Variants in B3GALT2 observed in about 807,000 individuals in gnomAD.
The protein encoded by B3GALT2 is UDP-Gal:betaGlcNAc beta 1,3-galactosyltransferase, polypeptide 2.
A neutral mutation model predicts 33.5 loss-of-function variants in B3GALT2; 13 were observed. The ratio of observed to expected loss-of-function variants is 0.39; its 90% CI spans 0.25 to 0.62. The LOEUF is 0.62. Ranked by LOEUF, B3GALT2 falls within the 20% of genes least tolerant of loss-of-function variation. B3GALT2 has a pLI of 0.53. For missense variants in B3GALT2, 418 were observed against 509.1 expected (o/e 0.82, Z 1.72); for synonymous variants, 195 against 172.7 (o/e 1.13, Z -1.01).
At position 193,178,854 on chromosome 1, in the gene B3GALT2, TTAA is replaced by T. The variant is rs1176979083; in HGVS notation, c.*1437_*1439del. Among the ~76,000 whole-genome samples, 2 of 152,174 alleles carry T rather than the reference TTAA, an allele frequency of 1.3e-5. No individual in the cohort carries two copies. Among genetic ancestry groups the T allele is most frequent in the African/African-American group, 4.8e-5 (2 of 41,450 alleles). ...CAATTCTCTTCTGGTGATTTATCCC[TTAA>T]TAATAGAATAAGAGGTAAAAATGAT... On this transcript the variant is annotated 3_prime_UTR_variant, in exon 2 of 2. Coordinates refer to ENST00000367434, the MANE Select transcript of B3GALT2 (RefSeq NM_003783.3).
chr1:193,180,164 A>C lies in B3GALT2; in HGVS notation c.*130T>G. 1 of 823,398 alleles carries C rather than the reference A, an allele frequency of 1.2e-6. No homozygotes were observed. The highest frequency in any genetic ancestry group is 3.2e-5 in the South Asian group (1 of 31,196). The allele number at this position is 823,398 out of a possible 1,614,324, so 51.0% of individuals were successfully genotyped here. A position where few individuals can be genotyped will look rare whatever the true frequency, so the allele number is the denominator to read the frequency against. On this transcript the variant is annotated 3_prime_UTR_variant, in exon 2 of 2. Coordinates refer to ENST00000367434, the MANE Select transcript of B3GALT2 (RefSeq NM_003783.3). Reference sequence around the variant, plus strand: ...AAGAATTAACTTCTTCAGAAATTAAAAAAATACTTCTTGAATTTCTTTATG... The same window carrying C: ...AAGAATTAACTTCTTCAGAAATTAACAAAATACTTCTTGAATTTCTTTATG...
At chr1:193,184,342 A>G (rs1409500073) in intron 1 of B3GALT2, among the ~76,000 whole-genome samples, 2 of 151,968 alleles carry the variant, frequency 1.3e-5, no homozygotes, top group African/African-American at 4.8e-5. Flanking sequence ...TGATAAAATT[A>G]TTCTCCAGTT....
At position 193,180,727 on chromosome 1, in the gene B3GALT2, G is replaced by A; in HGVS notation, c.836C>T (p.Thr279Ile). 11 of 1,614,086 alleles carry A rather than the reference G, an allele frequency of 6.8e-6. No homozygotes were observed. The highest frequency in any genetic ancestry group is 9.3e-6 in the Non-Finnish European group (11 of 1,179,950). Reference sequence around the variant, plus strand: ...TGCATATCCTCGCATTAGGTAACCAGTGAAATAGTTATGTCTGGGAGGCAG... The same window carrying A: ...TGCATATCCTCGCATTAGGTAACCAATGAAATAGTTATGTCTGGGAGGCAG... ...PDLPPRHNYF[T>I]GYLMRGYAPN... is the part of the protein sequence containing the mutation. The change falls in exon 2 of 2, where the codon ACT becomes ATT. Residue 279 changes from threonine to isoleucine, a missense_variant. By Grantham distance (89) the Thr-to-Ile change is moderately conservative. Coordinates refer to ENST00000367434, the MANE Select transcript of B3GALT2 (RefSeq NM_003783.3).
Position 193,181,446 on chromosome 1 carries a change from C to T in B3GALT2, c.117G>A (p.Met39Ile), listed in dbSNP as rs1316324225. ...AGTCATGATGATTGAAAAACAAAAA[C>T]ATAGCAAAAAGAAACACTAGAGAAA... ...GVLSLVFLFA[M>I]FLFFNHHDWL... The change falls in exon 2 of 2, where the codon ATG becomes ATA. Residue 39 changes from methionine to isoleucine, a missense_variant. By Grantham distance (10) the Met-to-Ile change is conservative. This residue lies in a region of B3GALT2 where 188 missense variants were observed against 197.5 expected (regional missense o/e 0.95). Coordinates refer to ENST00000367434, the MANE Select transcript of B3GALT2 (RefSeq NM_003783.3). 6.2e-7 allele frequency: 1 copy of T among 1,614,028 alleles called. No homozygotes were observed. Among genetic ancestry groups the T allele is most frequent in the East Asian group, 2.2e-5 (1 of 44,888 alleles).
rs952145593 is a variant in B3GALT2 at position 193,186,499 on chromosome 1, CGT to C, written c.-603_-602del. 2 of 152,524 alleles carry C rather than the reference CGT, an allele frequency of 1.3e-5. No individual in the cohort carries two copies. Among genetic ancestry groups the C allele is most frequent in the Admixed American group, 1.3e-4 (2 of 15,254 alleles). The allele number at this position is 152,524 out of a possible 1,614,324, so 9.4% of individuals were successfully genotyped here. A position where few individuals can be genotyped will look rare whatever the true frequency, so the allele number is the denominator to read the frequency against. On this transcript the variant is annotated 5_prime_UTR_variant, in exon 1 of 2. Transcript: ENST00000367434. ...AGAATAGGATTTACCTCTCTTCTTT[CGT>C]TGTTGCCTGGCAGCTGCAGGAAGGA...
chr1:193,182,981 A>C (rs951649940), intron 1 of B3GALT2, among the ~76,000 whole-genome samples: 8 of 152,050 alleles, frequency 5.3e-5, no homozygotes, highest in Non-Finnish European at 1.0e-4. Flanking sequence ...TTGAAATTAC[A>C]GTGTATGCAT....
In B3GALT2 at chr1:193,178,972, G is replaced by T. The variant is rs1253934669; in HGVS notation, c.*1322C>A. The T allele has an allele frequency of 2.6e-5, 4 of 152,136 alleles. No individual in the cohort carries two copies. Among genetic ancestry groups the T allele is most frequent in the Non-Finnish European group, 5.9e-5 (4 of 67,998 alleles). 9.4% of individuals were successfully genotyped at this position (152,136 alleles called of 1,614,324 possible). A position where few individuals can be genotyped will look rare whatever the true frequency, so the allele number is the denominator to read the frequency against. On this transcript the variant is annotated 3_prime_UTR_variant, in exon 2 of 2. Transcript: ENST00000367434. ...ATAAAAACACTATTTTAGTTAGTAGGTTGGTATTTCTTGATTTTAAAATTC... is the reference window on the plus strand; with the variant it reads ...ATAAAAACACTATTTTAGTTAGTAGTTTGGTATTTCTTGATTTTAAAATTC...
intron 1 of B3GALT2, among the ~76,000 whole-genome samples, chr1:193,183,256 A>G (rs538202251): frequency 8.6e-5 from 13 of 151,716 alleles, no homozygotes; most frequent in African/African-American, 3.1e-4. Context: ...ATTTGAACAA[A>G]TATCTAAGGT....
chr1:193,180,468 A>G lies in B3GALT2; in HGVS notation c.1095T>C (p.Asn365=). The G allele has an allele frequency of 1.9e-6, 3 of 1,614,072 alleles. No homozygotes were observed. Among genetic ancestry groups the G allele is most frequent in the Non-Finnish European group, 2.5e-6 (3 of 1,179,928 alleles). The part of the protein sequence containing the change: ...PVPPPNEFVF[N]HWRVSYSSCK... The stretch of plus-strand genomic sequence containing the variant: ...AGCTCGAATAAGAGACTCGCCAGTG[A>G]TTGAACACAAACTCATTGGGAGGGG... Residue 365 remains asparagine, a synonymous_variant, in exon 2 of 2, where the codon AAT becomes AAC. Coordinates refer to ENST00000367434, the MANE Select transcript of B3GALT2 (RefSeq NM_003783.3).
chr1:193,182,519 C>T (rs1361252270), intron 1 of B3GALT2, among the ~76,000 whole-genome samples: 11 of 152,094 alleles, frequency 7.2e-5, no homozygotes, highest in Admixed American at 1.3e-4. Flanking sequence ...GTTTAAAATT[C>T]TGAATTTCAC....
chr1:193,181,140 A>G lies in B3GALT2; in HGVS notation c.423T>C (p.Asn141=). The G allele has an allele frequency of 1.9e-6, 3 of 1,614,048 alleles. No individual in the cohort carries two copies. The highest frequency in any genetic ancestry group is 3.3e-4 in the Middle Eastern group (2 of 6,062). ...TTTTCTCTTGGCATTTTTCAGGCTCATTAATAATATATTTGAAATGGTAAG... is the reference window on the plus strand; with the variant it reads ...TTTTCTCTTGGCATTTTTCAGGCTCGTTAATAATATATTTGAAATGGTAAG... ...PNSYHFKYII[N]EPEKCQEKSP... is the part of the protein sequence containing the mutation. Residue 141 remains asparagine (N), a synonymous_variant, in exon 2 of 2, where the codon AAT becomes AAC. Coordinates refer to ENST00000367434, the MANE Select transcript of B3GALT2 (RefSeq NM_003783.3).
At position 193,181,273 on chromosome 1, in the gene B3GALT2, G is replaced by C; in HGVS notation, c.290C>G (p.Thr97Ser). The C allele has an allele frequency of 3.7e-6, 6 of 1,614,122 alleles. No homozygotes were observed. Among genetic ancestry groups the C allele is most frequent in the Non-Finnish European group, 5.1e-6 (6 of 1,179,974 alleles). Residue 97 changes from threonine to serine, a missense_variant, in exon 2 of 2, where the codon ACT becomes AGT. By Grantham distance (58) the Thr-to-Ser change is moderately conservative. This residue lies in a region of B3GALT2 where 188 missense variants were observed against 197.5 expected (regional missense o/e 0.95). Coordinates refer to ENST00000367434, the MANE Select transcript of B3GALT2 (RefSeq NM_003783.3). Reference sequence around the variant, plus strand: ...TGACAGGTCTGTGTTATTAGAGTTAGTTGCTGTTTGAGGCCTCAGGGTTTG... The same window carrying C: ...TGACAGGTCTGTGTTATTAGAGTTACTTGCTGTTTGAGGCCTCAGGGTTTG... ...VPQTLRPQTA[T>S]NSNNTDLSPQ...
intron 1 of B3GALT2, among the ~76,000 whole-genome samples, chr1:193,183,572 G>C (rs994595445): frequency 4.0e-5 from 6 of 151,054 alleles, no homozygotes; most frequent in Non-Finnish European, 7.4e-5. Context: ...GAAACTCAGT[G>C]TTTTCCTTCT....
chr1:193,181,793 C>A (rs774791260), intron 1 of B3GALT2, 111 bp from the exon 2 acceptor site: 45 of 411,020 alleles, frequency 1.1e-4, no homozygotes, highest in Non-Finnish European at 1.7e-4. Flanking sequence ...AACCCAGGAA[C>A]GAAGCTTGTA....
chr1:193,180,799 A>G lies in B3GALT2; in HGVS notation c.764T>C (p.Met255Thr). ...IPYVMKTDSD[M>T]FVNTEYLINK... ...GATTAAATATTCAGTGTTGACAAAC[A>G]TGTCACTGTCAGTTTTCATAACATA... Residue 255 changes from methionine to threonine, a missense_variant, in exon 2 of 2, where the codon ATG becomes ACG. This residue lies in a region of B3GALT2 where 226 missense variants were observed against 293.9 expected (regional missense o/e 0.77). Transcript: ENST00000367434. 6.2e-7 allele frequency: 1 copy of G among 1,614,156 alleles called. No individual in the cohort carries two copies. Among genetic ancestry groups the G allele is most frequent in the South Asian group, 1.1e-5 (1 of 91,086 alleles).
intron 1 of B3GALT2, among the ~76,000 whole-genome samples, chr1:193,185,541 G>C (rs1021901670): frequency 6.6e-6 from 1 of 151,590 alleles, no homozygotes; most frequent in Admixed American, 6.6e-5. Context: ...TACATATTAA[G>C]GTTTTGTTTT....
In B3GALT2 at chr1:193,181,358, A is replaced by G. The variant is rs1459891802; in HGVS notation, c.205T>C (p.Ser69Pro). The G allele has an allele frequency of 1.2e-6, 2 of 1,613,882 alleles. No individual in the cohort carries two copies. The highest frequency in any genetic ancestry group is 1.7e-6 in the Non-Finnish European group (2 of 1,179,950). The change falls in exon 2 of 2, where the codon TCA becomes CCA. Residue 69 changes from serine to proline, a missense_variant. By Grantham distance (74) the Ser-to-Pro change is moderately conservative. Coordinates refer to ENST00000367434, the MANE Select transcript of B3GALT2 (RefSeq NM_003783.3). ...CTGTGGTTTGTCTCACTTTTTGTTGACCGAAATCCTCGGAAAGTGTATGTC... is the reference window on the plus strand; with the variant it reads ...CTGTGGTTTGTCTCACTTTTTGTTGGCCGAAATCCTCGGAAAGTGTATGTC... ...PVTYTFRGFR[S>P]TKSETNHSSL...
rs1487154758 is a variant in B3GALT2, at chr1:193,179,703, A to G, written c.*591T>C. ...AAAGTATTAATAAAAGAAATTTAAA[A>G]TAATATCTCAGTTATTTTTAAAAAG... On this transcript the variant is annotated 3_prime_UTR_variant, in exon 2 of 2. Transcript: ENST00000367434. The G allele has an allele frequency of 6.6e-6, 1 of 152,584 alleles. No homozygotes were observed. Among genetic ancestry groups the G allele is most frequent in the Non-Finnish European group, 1.5e-5 (1 of 68,008 alleles). 9.5% of individuals were successfully genotyped at this position (152,584 alleles called of 1,614,324 possible).
rs774123687 is a variant in B3GALT2, at chr1:193,180,738, A to T, written c.825T>A (p.His275Gln). 6.2e-7 allele frequency: 1 copy of T among 1,614,070 alleles called. No individual in the cohort carries two copies. Among genetic ancestry groups the T allele is most frequent in the Non-Finnish European group, 8.5e-7 (1 of 1,179,946 alleles). The change falls in exon 2 of 2, where the codon CAT becomes CAA. Residue 275 changes from histidine (H) to glutamine (Q), a missense_variant. Physicochemically the swap from His to Gln is conservative, Grantham distance 24. Transcript: ENST00000367434. ...KLLKPDLPPR[H>Q]NYFTGYLMRG... ...GCATTAGGTAACCAGTGAAATAGTT[A>T]TGTCTGGGAGGCAGATCTGGCTTCA... is the stretch of plus-strand genomic sequence containing the variant.
Sources: gnomAD v4.1 joint callset for allele counts (sites outside exome capture counted in the v4.1 genomes callset) on GRCh38, gnomAD v4.1.1 for gene constraint, gnomAD v4.1.1 regional missense constraint, MANE v1.5 for transcripts, NCBI Gene and HGNC (gene_info 2026-07-23, HGNC 2026-07-21) for gene names.